Variants in RBPJ observed in about 807,000 individuals in gnomAD.
RBPJ encodes the protein recombination signal binding protein for immunoglobulin kappa J region, also known as recombining binding protein suppressor of hairless.
Under a neutral mutation model 67.8 loss-of-function variants are expected in RBPJ, and 9 were observed. That is an observed-to-expected ratio of 0.13 (90% CI 0.08 to 0.23). The LOEUF is 0.23. Among genes scored for constraint, RBPJ ranks in the 10% least tolerant of loss-of-function variants. RBPJ has a pLI of 1.00. For synonymous variants in RBPJ, 198 were observed against 203.3 expected (o/e 0.97, Z 0.22); for missense variants, 305 against 595.6 (o/e 0.51, Z 5.08).
In RBPJ at chr4:26,431,184, T is replaced by TAAAAAAAAAAAAAAAAAAAAA. The variant is rs897964346; in HGVS notation, c.*184_*204dup. 14 of 40,648 alleles carry TAAAAAAAAAAAAAAAAAAAAA rather than the reference T, an allele frequency of 3.4e-4. No homozygotes were observed. Among genetic ancestry groups the TAAAAAAAAAAAAAAAAAAAAA allele is most frequent in the Non-Finnish European group, 4.4e-4 (9 of 20,662 alleles). 2.5% of individuals were successfully genotyped at this position (40,648 alleles called of 1,614,324 possible). The stretch of plus-strand genomic sequence containing the variant: ...CTGATTTGAAATGCAGAAGCCACAG[T>TAAAAAAAAAAAAAAAAAAAAA]AAAAAAAAAAAAAAAAAAAAAAAAA... On this transcript the variant is annotated 3_prime_UTR_variant, in exon 11 of 11. Transcript: ENST00000355476.
chr4:26,203,082 C>A (rs1188715962), intron 1 of RBPJ, among the ~76,000 whole-genome samples: 5 of 152,302 alleles, frequency 3.3e-5, no homozygotes, highest in African/African-American at 1.2e-4. Flanking sequence ...TCAACCCTAT[C>A]TAGTCCAAGT....
At position 26,242,915 on chromosome 4, in the gene RBPJ, A is replaced by T. The variant is rs887326451; in HGVS notation, c.-167+79301A>T. 3.5e-4 allele frequency among the ~76,000 whole-genome samples: 53 copies of T among 152,112 alleles called. 1 individual carries two copies. The highest frequency in any genetic ancestry group is 6.5e-4 in the Admixed American group (10 of 15,268). On this transcript the variant is annotated intron_variant, in intron 1 of 4. Transcript: ENST00000512351. ...CTTGAGGAAAAGTACTTTTGCAATT[A>T]TTAGAATTGTGAACTAAGCTGGCTA...
At chr4:26,130,291 G>A in the RBPJ span, among the ~76,000 whole-genome samples, 6 of 152,324 alleles carry the variant, frequency 3.9e-5, no homozygotes, top group Admixed American at 3.3e-4. Flanking sequence ...CAACACAGGA[G>A]TTGAGTGCTC....
chr4:26,158,379 T>C, the RBPJ span, among the ~76,000 whole-genome samples: 1 of 152,234 alleles, frequency 6.6e-6, no homozygotes, highest in Non-Finnish European at 1.5e-5. Flanking sequence ...TCAGATTTGA[T>C]GTTTTTCCCT....
intron 1 of RBPJ, among the ~76,000 whole-genome samples, chr4:26,228,379 C>T (rs1719151752): frequency 1.3e-5 from 2 of 152,308 alleles, no homozygotes; most frequent in South Asian, 2.1e-4. Flanking sequence ...CACACTCACA[C>T]CCACACATAG....
At chr4:26,420,331 A>G (rs1043267584) in intron 4 of RBPJ, among the ~76,000 whole-genome samples, 1 of 152,232 alleles carries the variant, frequency 6.6e-6, no homozygotes, top group Admixed American at 6.5e-5. Flanking sequence ...GATACAATAG[A>G]TGACAATGTT....
At chr4:26,275,454 G>A (rs548830078) in intron 1 of RBPJ, among the ~76,000 whole-genome samples, 23 of 152,262 alleles carry the variant, frequency 1.5e-4, no homozygotes, top group Admixed American at 1.2e-3. Context: ...GGGGCAGGAA[G>A]GGAACAAGTA....
chr4:26,122,042 TAAACTTTGACCCA>T, the RBPJ span, among the ~76,000 whole-genome samples: 1 of 152,140 alleles, frequency 6.6e-6, no homozygotes, highest in Non-Finnish European at 1.5e-5. Context: ...GGTTCAGGCA[TAAACTTTGACCCA>T]AGCAAGGCTA....
intron 1 of RBPJ, among the ~76,000 whole-genome samples, chr4:26,244,277 G>GTATACACATATGTGTACACATA (rs1199283988): frequency 6.8e-6 from 1 of 147,356 alleles, no homozygotes; most frequent in African/African-American, 2.6e-5. Context: ...ACACATATAT[G>GTATACACATATGTGTACACATA]TGTGTATATG....
chr4:26,197,830 G>A lies in RBPJ; in HGVS notation c.-167+34216G>A, dbSNP rs1717828909. Among the ~76,000 whole-genome samples, 4 of 152,278 alleles carry A rather than the reference G, an allele frequency of 2.6e-5. No individual in the cohort carries two copies. In the South Asian group the frequency reaches 6.2e-4, roughly 24 times the overall value. ...GAGAGAGGAGAGGAGGGGAAGGGAAGGGAGGGGAGTGAAGGGGGAGCAGAG... is the reference window on the plus strand; with the variant it reads ...GAGAGAGGAGAGGAGGGGAAGGGAAAGGAGGGGAGTGAAGGGGGAGCAGAG... On this transcript the variant is annotated intron_variant, in intron 1 of 4. Transcript: ENST00000512351.
At chr4:26,216,092 G>A (rs1033899781) in intron 1 of RBPJ, among the ~76,000 whole-genome samples, 28 of 152,068 alleles carry the variant, frequency 1.8e-4, no homozygotes, top group African/African-American at 6.8e-4. Flanking sequence ...GTGCTTTTTG[G>A]CTCATGGCTG....
At chr4:26,259,989 A>T (rs1488872710) in intron 1 of RBPJ, among the ~76,000 whole-genome samples, 1 of 152,194 alleles carries the variant, frequency 6.6e-6, no homozygotes, top group Admixed American at 6.5e-5. Context: ...GCAGAATTTC[A>T]TGTCATGATA....
At chr4:26,258,046 A>G (rs745320702) in intron 1 of RBPJ, among the ~76,000 whole-genome samples, 3 of 152,244 alleles carry the variant, frequency 2.0e-5, no homozygotes, top group Non-Finnish European at 1.5e-5. Flanking sequence ...ACAGGCTCAC[A>G]TTATGTCAGA....
chr4:26,417,209 C>T (rs1358546515), intron 4 of RBPJ, among the ~76,000 whole-genome samples: 1 of 152,116 alleles, frequency 6.6e-6, no homozygotes, highest in East Asian at 1.9e-4. Context: ...CTGTTTAATC[C>T]TACTTCATTG....
At chr4:26,320,735 C>G (rs1560262384), upstream of RBPJ, 1 of 1,550,756 alleles carries the variant, frequency 6.4e-7, no homozygotes, top group African/African-American at 1.4e-5. Context: ...GTCCTAAAAC[C>G]CGGATAACCG....
the RBPJ span, among the ~76,000 whole-genome samples, chr4:26,131,695 A>T: frequency 6.6e-6 from 1 of 152,196 alleles, no homozygotes; most frequent in Non-Finnish European, 1.5e-5. Flanking sequence ...TAAGAGAAAG[A>T]CAGAGGGAGA....
chr4:26,317,998 C>T (rs1722713628), upstream of RBPJ, among the ~76,000 whole-genome samples: 1 of 152,140 alleles, frequency 6.6e-6, no homozygotes, highest in African/African-American at 2.4e-5. Context: ...GGAATATGTG[C>T]CCCAAGGGCT....
At chr4:26,134,263 C>T in the RBPJ span, among the ~76,000 whole-genome samples, 1 of 152,204 alleles carries the variant, frequency 6.6e-6, no homozygotes, top group Non-Finnish European at 1.5e-5. Context: ...CACAACTTAG[C>T]CCTGTGGTCC....
intron 1 of RBPJ, among the ~76,000 whole-genome samples, chr4:26,246,414 A>T (rs1413584853): frequency 1.3e-5 from 2 of 152,218 alleles, no homozygotes. Context: ...ATAACATTTA[A>T]GAATGTAAGG....
Sources: allele counts gnomAD v4.1 joint callset (sites outside exome capture counted in the v4.1 genomes callset), GRCh38; gene constraint gnomAD v4.1.1; transcripts MANE v1.5; gene names NCBI Gene and HGNC (gene_info 2026-07-23, HGNC 2026-07-21).